Variants in IL1RAPL1 observed in about 807,000 individuals in gnomAD.
IL1RAPL1 encodes the protein interleukin-1 receptor accessory protein-like 1.
A neutral mutation model predicts 48.4 loss-of-function variants in IL1RAPL1; 3 were observed. The observed-to-expected ratio is 0.06, with a 90% CI of 0.03 to 0.16. The LOEUF (loss-of-function observed/expected upper bound fraction) is 0.16. IL1RAPL1 is among the 10% of genes least tolerant of loss of function. The pLI, the probability that IL1RAPL1 is intolerant of heterozygous loss-of-function variation, is 1.00. For missense variants in IL1RAPL1, 349 were observed against 530.6 expected, an observed-to-expected ratio of 0.66 and a Z score of 3.36; for synonymous variants, 185 against 187.7, an observed-to-expected ratio of 0.99 and a Z score of 0.12.
chrX:28,851,948 T>G (rs1016034014), intron 2 of IL1RAPL1, among the ~76,000 whole-genome samples: 1 of 112,294 alleles, frequency 8.9e-6, no homozygotes, highest in East Asian at 2.8e-4. Context: ...ATTTCTATTA[T>G]AGTTTAAGAA....
At chrX:28,809,309 T>C (rs1285901372) in intron 2 of IL1RAPL1, among the ~76,000 whole-genome samples, 1 of 110,634 alleles carries the variant, frequency 9.0e-6, no homozygotes, top group African/African-American at 3.3e-5. Context: ...TGGGCTTAAA[T>C]AAACAAGATA....
chrX:28,702,389 C>T (rs1935310552), intron 1 of IL1RAPL1, among the ~76,000 whole-genome samples: 1 of 111,503 alleles, frequency 9.0e-6, no homozygotes, highest in South Asian at 3.7e-4. Flanking sequence ...ACATTTATTA[C>T]AAAGGTGTTT....
chrX:29,740,956 C>T (rs966786604), intron 6 of IL1RAPL1, among the ~76,000 whole-genome samples: 2 of 111,757 alleles, frequency 1.8e-5, no homozygotes, highest in African/African-American at 3.2e-5. Flanking sequence ...ACCTAGATTT[C>T]TGTTGTTATT....
intron 3 of IL1RAPL1, among the ~76,000 whole-genome samples, chrX:29,350,942 G>A (rs1420402017): frequency 9.0e-6 from 1 of 111,107 alleles, no homozygotes; most frequent in African/African-American, 3.3e-5. Flanking sequence ...ACCTAAAGTC[G>A]CAGTTTCCAA....
At chrX:29,301,886 C>A (rs1932541478) in intron 3 of IL1RAPL1, among the ~76,000 whole-genome samples, 2 of 110,767 alleles carry the variant, frequency 1.8e-5, no homozygotes, top group South Asian at 7.7e-4. Flanking sequence ...ATCTTTCTTC[C>A]CAGAGAAATT....
chrX:29,278,141 A>C (rs973658542), intron 2 of IL1RAPL1, among the ~76,000 whole-genome samples: 3 of 112,212 alleles, frequency 2.7e-5, no homozygotes, highest in African/African-American at 9.7e-5. Flanking sequence ...AAATTATATC[A>C]TTAGACTTTT....
Position 29,802,799 on chromosome X carries a change from A to ATG in IL1RAPL1, c.779-114664_779-114663insGT, listed in dbSNP as rs1569172778. 3.5e-3 allele frequency among the ~76,000 whole-genome samples: 166 copies of ATG among 48,064 alleles called. 14 individuals are homozygous for ATG. The highest frequency in any genetic ancestry group is 3.9e-3 in the African/African-American group (34 of 8,789). 41.7% of individuals were successfully genotyped at this position (48,064 alleles called of 115,157 possible). On this transcript the variant is annotated intron_variant, in intron 6 of 10. Transcript: ENST00000378993. ...TATATATATGTGTGTGTGTATATATATATATATATATGTGTGTATATATAT... is the reference window on the plus strand; with the variant it reads ...TATATATATGTGTGTGTGTATATATATGTATATATATATGTGTGTATATATAT...
chrX:28,814,165 A>G (rs906036506), intron 2 of IL1RAPL1, among the ~76,000 whole-genome samples: 3 of 111,089 alleles, frequency 2.7e-5, no homozygotes, highest in Non-Finnish European at 3.8e-5. Context: ...CTTCTTAGCC[A>G]TATCCATTAG....
intron 2 of IL1RAPL1, among the ~76,000 whole-genome samples, chrX:28,912,203 T>G (rs1039221477): frequency 9.2e-6 from 1 of 108,904 alleles, no homozygotes; most frequent in African/African-American, 3.3e-5. Context: ...AAGAGCATGT[T>G]TGGGGAGGGA....
intron 2 of IL1RAPL1, among the ~76,000 whole-genome samples, chrX:28,813,198 C>T (rs1936814994): frequency 9.0e-6 from 1 of 111,448 alleles, no homozygotes; most frequent in African/African-American, 3.2e-5. Context: ...CTATGAATTT[C>T]CCTCTAGGTG....
chrX:29,691,475 T>TAAAC (rs915139109), intron 6 of IL1RAPL1, among the ~76,000 whole-genome samples: 1 of 111,381 alleles, frequency 9.0e-6, no homozygotes, highest in African/African-American at 3.3e-5. Context: ...TTGAATTATT[T>TAAAC]AAACAAACAA....
chrX:29,245,228 A>G lies in IL1RAPL1; in HGVS notation c.83-37710A>G, dbSNP rs185257395. ...CTTTGCTATTGTGTACAGTGCTGCA[A>G]TAAACATACATGTGCATGTGTCTTT... On this transcript the variant is annotated intron_variant, in intron 2 of 10. Transcript: ENST00000378993. Among the ~76,000 whole-genome samples, 275 of 111,618 alleles carry G rather than the reference A, an allele frequency of 2.5e-3. 1 individual carries two copies. The highest frequency in any genetic ancestry group is 3.9e-3 in the Non-Finnish European group (206 of 53,093).
chrX:29,446,314 C>A (rs950203686), intron 5 of IL1RAPL1, among the ~76,000 whole-genome samples: 1 of 111,616 alleles, frequency 9.0e-6, no homozygotes, highest in Non-Finnish European at 1.9e-5. Context: ...CGACAAAAAA[C>A]AAATGAAACC....
At chrX:29,603,337 A>G (rs1477701432) in intron 5 of IL1RAPL1, among the ~76,000 whole-genome samples, 2 of 110,823 alleles carry the variant, frequency 1.8e-5, no homozygotes, top group African/African-American at 6.6e-5. Flanking sequence ...CACTAGTATG[A>G]CTTTTTAAAA....
chrX:28,742,908 A>G (rs1935928255), intron 1 of IL1RAPL1, among the ~76,000 whole-genome samples: 2 of 111,869 alleles, frequency 1.8e-5, no homozygotes, highest in African/African-American at 3.2e-5. Context: ...AGGAACCTCA[A>G]TTCATCTTCT....
chrX:29,335,143 G>A (rs1169738532), intron 3 of IL1RAPL1, among the ~76,000 whole-genome samples: 2 of 104,373 alleles, frequency 1.9e-5, no homozygotes. Flanking sequence ...CAGGCGTGGC[G>A]TCGCAGGCAC....
At chrX:29,083,366 T>C (rs1009549654) in intron 2 of IL1RAPL1, among the ~76,000 whole-genome samples, 1 of 111,852 alleles carries the variant, frequency 8.9e-6, no homozygotes, top group African/African-American at 3.2e-5. Context: ...CTCAATTTGA[T>C]TGACCAAATT....
intron 1 of IL1RAPL1, among the ~76,000 whole-genome samples, chrX:28,743,111 G>A (rs140454050): frequency 0.013 from 1,406 of 110,586 alleles, 23 homozygotes; most frequent in African/African-American, 0.042. Context: ...TCAATTTGTC[G>A]TTCTCTTCTC....
At chrX:28,795,811 T>C (rs1936604688) in intron 2 of IL1RAPL1, among the ~76,000 whole-genome samples, 1 of 109,645 alleles carries the variant, frequency 9.1e-6, no homozygotes, top group Admixed American at 9.8e-5. Context: ...ATGGGAGAGG[T>C]GAGGAATAGA....
Sources: gnomAD v4.1 joint callset for allele counts (sites outside exome capture counted in the v4.1 genomes callset) on GRCh38, gnomAD v4.1.1 for gene constraint, MANE v1.5 for transcripts, NCBI Gene and HGNC (gene_info 2026-07-23, HGNC 2026-07-21) for gene names.